Variants in NOMO1 observed in about 807,000 individuals in gnomAD.
NOMO1 encodes NODAL modulator 1.
In NOMO1, 40 loss-of-function variants were observed where a neutral mutation model predicts 133.8. The observed-to-expected ratio is 0.30, with a 90% CI of 0.23 to 0.39. NOMO1 has a LOEUF of 0.39. NOMO1 is among the 10% of genes least tolerant of loss of function. The pLI, the probability that NOMO1 is intolerant of heterozygous loss-of-function variation, is 1.00. For missense variants in NOMO1, 462 were observed against 1,419.9 expected (o/e 0.33, Z 10.84); for synonymous variants, 236 against 570.5 (o/e 0.41, Z 8.36).
Position 14,886,834 on chromosome 16 carries a change from A to G in NOMO1, c.3296A>G (p.His1099Arg). 1 of 1,611,550 alleles carries G rather than the reference A, an allele frequency of 6.2e-7. No individual in the cohort carries two copies. ...TCCCTTGGCCAGTCCCTGTTCTTCC[A>G]TTTCCCCCCACTGCTCAGAGACGGC... ...TVSLGQSLFF[H>R]FPPLLRDGEN... The change falls in exon 28 of 31, where the codon CAT becomes CGT. Residue 1099 changes from histidine (H) to arginine (R), a missense_variant. By Grantham distance (29) the His-to-Arg change is conservative. Coordinates refer to ENST00000287667, the MANE Select transcript of NOMO1 (RefSeq NM_014287.4).
chr16:14,836,001 G>GT (rs1257382968), intron 1 of NOMO1, among the ~76,000 whole-genome samples: 1 of 151,090 alleles, frequency 6.6e-6, no homozygotes, highest in Non-Finnish European at 1.5e-5. Context: ...GGACCTTACT[G>GT]TTAAAAAAAA....
intron 29 of NOMO1, among the ~76,000 whole-genome samples, chr16:14,892,314 G>A (rs1847284097): frequency 6.6e-6 from 1 of 151,848 alleles, no homozygotes. Context: ...GGGCTGCACT[G>A]TGGCCCCAGT....
In NOMO1 at chr16:14,863,003, C is replaced by G. The variant is rs1963942013; in HGVS notation, c.1221-10C>G. 6.2e-7 allele frequency: 1 copy of G among 1,610,124 alleles called. No homozygotes were observed. The highest frequency in any genetic ancestry group is 1.3e-5 in the African/African-American group (1 of 74,442). ...TCCTCGTGCTGGAATGAATGGTCTT[C>G]TCTTTGCAGGTTCAGTGTCTGTGGT... On this transcript the variant is annotated splice_polypyrimidine_tract_variant and intron_variant, in intron 11 of 30. Coordinates refer to ENST00000287667, the MANE Select transcript of NOMO1 (RefSeq NM_014287.4).
Position 14,895,499 on chromosome 16 carries a change from TTC to T in NOMO1, c.3538-9_3538-8del, listed in dbSNP as rs745413821. ...TCTTTGTACCCCTCTCTCTCACACT[TTC>T]TCTCTTTTCTAGCTCATTCCTTTGC... On this transcript the variant is annotated splice_polypyrimidine_tract_variant and intron_variant, in intron 30 of 30. Coordinates refer to ENST00000287667, the MANE Select transcript of NOMO1 (RefSeq NM_014287.4). The T allele has an allele frequency of 4.3e-6, 7 of 1,611,802 alleles. No individual in the cohort carries two copies. The East Asian group carries it at 8.9e-5, about 21-fold the overall frequency.
At chr16:14,868,046 T>C (rs1184425438) in intron 15 of NOMO1, among the ~76,000 whole-genome samples, 1 of 81,564 alleles carries the variant, frequency 1.2e-5, no homozygotes, top group Non-Finnish European at 2.5e-5. Context: ...CCCCTCTGCC[T>C]GGAGTGCTGT....
intron 9 of NOMO1, 76 bp from the exon 10 acceptor site, chr16:14,857,141 G>A (rs1265429323): frequency 1.9e-6 from 3 of 1,607,470 alleles, no homozygotes; most frequent in African/African-American, 2.7e-5. Context: ...GTGGTGGCCG[G>A]CGCAGCAGAA....
At chr16:14,837,353 A>AAT (rs1190925501) in intron 1 of NOMO1, among the ~76,000 whole-genome samples, 2 of 152,062 alleles carry the variant, frequency 1.3e-5, no homozygotes, top group Middle Eastern at 3.2e-3. Flanking sequence ...GCAGGTGCTT[A>AAT]ATATGCATTG....
At position 14,857,600 on chromosome 16, in the gene NOMO1, G is replaced by A; in HGVS notation, c.1165G>A (p.Val389Ile). ...GAAAGAGCACCTCTACTTTGAAACG[G>A]TCACCATCAAAATTGCACCGAACAC... is the stretch of plus-strand genomic sequence containing the variant. ...AQKEHLYFET[V>I]TIKIAPNTPQ... The change falls in exon 11 of 31, where the codon GTC becomes ATC. Residue 389 changes from valine to isoleucine, a missense_variant. Val to Ile is a conservative substitution (Grantham distance 29, BLOSUM62 3). Transcript: ENST00000287667. The A allele has an allele frequency of 1.2e-6, 2 of 1,612,998 alleles. No individual in the cohort carries two copies. Among genetic ancestry groups the A allele is most frequent in the Non-Finnish European group, 1.7e-6 (2 of 1,179,710 alleles).
chr16:14,889,274 G>A (rs1023775017), intron 29 of NOMO1, 59 bp downstream of exon 29: 1 of 1,611,490 alleles, frequency 6.2e-7, no homozygotes, highest in Non-Finnish European at 8.5e-7. Context: ...GCTCACGCCT[G>A]TAATCCCAGC....
At chr16:14,854,102 TA>T (rs927014097) in intron 9 of NOMO1, 76 bp downstream of exon 9, 121 of 870,342 alleles carry the variant, frequency 1.4e-4, no homozygotes, top group Non-Finnish European at 1.7e-4. Context: ...AAACATGTTT[TA>T]AAAAAAAATC....
rs900563577 is a variant in NOMO1 at position 14,866,440 on chromosome 16, T to C, written c.1670-115T>C. 3.5e-5 allele frequency: 56 copies of C among 1,591,960 alleles called. No homozygotes were observed. In the Admixed American group the frequency reaches 4.7e-4, roughly 13 times the overall value. On this transcript the variant is annotated intron_variant, in intron 14 of 30. Coordinates refer to ENST00000287667, the MANE Select transcript of NOMO1 (RefSeq NM_014287.4). ...ATGTGTATATTTCTATCTTTATGTC[T>C]ACATACACACCTGCTTTTTAAAATT...
intron 20 of NOMO1, among the ~76,000 whole-genome samples, chr16:14,875,652 G>T (rs1964149814): frequency 6.6e-6 from 1 of 152,124 alleles, no homozygotes; most frequent in African/African-American, 2.4e-5. Context: ...ATGAATGAAT[G>T]AATGATTTAG....
intron 23 of NOMO1, among the ~76,000 whole-genome samples, 198 bp downstream of exon 23, chr16:14,879,032 A>G (rs1250688071): frequency 1.3e-5 from 2 of 151,756 alleles, no homozygotes; most frequent in African/African-American, 4.9e-5. Flanking sequence ...TCCCTTCCAC[A>G]CGCGCTTCTT....
At chr16:14,848,226 TTAG>T (rs1284422382) in intron 5 of NOMO1, among the ~76,000 whole-genome samples, 3 of 143,206 alleles carry the variant, frequency 2.1e-5, no homozygotes, top group African/African-American at 8.1e-5. Flanking sequence ...GATAAACATG[TTAG>T]TATACTGGCA....
chr16:14,878,919 C>T (rs1964201873), intron 23 of NOMO1, 85 bp downstream of exon 23: 1 of 1,576,982 alleles, frequency 6.3e-7, no homozygotes, highest in Non-Finnish European at 8.7e-7. Flanking sequence ...TGTTGCTTGA[C>T]AACGTGAGAA....
chr16:14,861,948 C>CTGGAT (rs1389232993), intron 11 of NOMO1, among the ~76,000 whole-genome samples: 1 of 149,548 alleles, frequency 6.7e-6, no homozygotes, highest in African/African-American at 2.5e-5. Context: ...CTGACCCATG[C>CTGGAT]TGGAGATAGT....
intron 22 of NOMO1, 77 bp from the exon 23 acceptor site, chr16:14,878,644 C>T: frequency 3.6e-6 from 5 of 1,402,378 alleles, no homozygotes; most frequent in Admixed American, 1.8e-5. Context: ...AAAAAATGAC[C>T]TCTTGACTTG....
intron 11 of NOMO1, among the ~76,000 whole-genome samples, chr16:14,861,685 A>G (rs528243950): frequency 9.3e-5 from 14 of 150,866 alleles, no homozygotes; most frequent in Non-Finnish European, 1.8e-4. Context: ...GAGAATAACT[A>G]TTTTAGGCTG....
chr16:14,873,208 A>T (rs1870473650), intron 18 of NOMO1, among the ~76,000 whole-genome samples: 1 of 101,832 alleles, frequency 9.8e-6, no homozygotes, highest in South Asian at 3.4e-4. Context: ...CAGGACAGGT[A>T]GGCTGCGGGG....
Sources: allele counts gnomAD v4.1 joint callset (sites outside exome capture counted in the v4.1 genomes callset), GRCh38; gene constraint gnomAD v4.1.1; transcripts MANE v1.5; gene names NCBI Gene and HGNC (gene_info 2026-07-23, HGNC 2026-07-21).